The following TMEM117 variants were observed in gnomAD, a reference collection of about 807,000 sequenced individuals.
TMEM117 encodes transmembrane protein 117.
TMEM117 carries 27 observed loss-of-function variants against 52.4 expected under a neutral mutation model. The ratio of observed to expected loss-of-function variants is 0.51; its 90% CI spans 0.38 to 0.71. The LOEUF is 0.71. Among genes scored for constraint, TMEM117 ranks in the 30% least tolerant of loss-of-function variants. The pLI is 0.00. For missense variants in TMEM117, 556 were observed against 630.5 expected, an observed-to-expected ratio of 0.88 and a Z score of 1.26; for synonymous variants, 215 against 206.3, an observed-to-expected ratio of 1.04 and a Z score of -0.36.
chr12:43,938,038 CTCTG>C (rs943091084), intron 2 of TMEM117, among the ~76,000 whole-genome samples: 8 of 151,714 alleles, frequency 5.3e-5, no homozygotes, highest in East Asian at 1.9e-4. Context: ...TAAAAGAATT[CTCTG>C]TCTGGCTCCC....
chr12:44,309,763 G>A (rs1950949964), intron 6 of TMEM117, among the ~76,000 whole-genome samples: 3 of 143,484 alleles, frequency 2.1e-5, no homozygotes, highest in Admixed American at 1.4e-4. Context: ...TCTGGATTCA[G>A]CAGAATGAGA....
chr12:44,267,091 A>G (rs562999649), intron 5 of TMEM117, among the ~76,000 whole-genome samples: 1 of 152,256 alleles, frequency 6.6e-6, no homozygotes, highest in African/African-American at 2.4e-5. Context: ...TTGAATATGT[A>G]TATCAATCTG....
At chr12:44,354,924 T>G (rs894629735) in intron 6 of TMEM117, among the ~76,000 whole-genome samples, 4 of 152,070 alleles carry the variant, frequency 2.6e-5, no homozygotes, top group Non-Finnish European at 5.9e-5. Context: ...TCTTCTAAAT[T>G]CTTTTGAAAA....
intron 6 of TMEM117, among the ~76,000 whole-genome samples, chr12:44,312,978 A>C (rs560228540): frequency 6.6e-6 from 1 of 152,240 alleles, no homozygotes; most frequent in East Asian, 1.9e-4. Flanking sequence ...TTGCTTGTTA[A>C]GTTGTTTAAG....
chr12:44,001,067 C>T (rs753203673), intron 3 of TMEM117, among the ~76,000 whole-genome samples: 43 of 152,132 alleles, frequency 2.8e-4, no homozygotes, highest in African/African-American at 4.8e-4. Flanking sequence ...TTCGACTCCT[C>T]GAAGGCTTCT....
At chr12:44,290,973 A>C (rs1020007433) in intron 5 of TMEM117, among the ~76,000 whole-genome samples, 3 of 152,110 alleles carry the variant, frequency 2.0e-5, no homozygotes, top group Non-Finnish European at 4.4e-5. Context: ...TTGGCTATTC[A>C]ACATCTTCTA....
chr12:44,287,466 A>C (rs994708619), intron 5 of TMEM117, among the ~76,000 whole-genome samples: 1 of 152,204 alleles, frequency 6.6e-6, no homozygotes, highest in Non-Finnish European at 1.5e-5. Context: ...GGTTAAATAA[A>C]AACCCAAGGA....
chr12:43,888,068 C>T (rs1565735809), intron 2 of TMEM117, among the ~76,000 whole-genome samples: 1 of 152,112 alleles, frequency 6.6e-6, no homozygotes, highest in Non-Finnish European at 1.5e-5. Context: ...TAGTATAATA[C>T]AAAAGTCTAG....
intron 2 of TMEM117, among the ~76,000 whole-genome samples, chr12:43,920,444 C>T (rs1046891150): frequency 5.4e-5 from 8 of 148,092 alleles, no homozygotes; most frequent in African/African-American, 1.2e-4. Flanking sequence ...ACCCGGGAGG[C>T]GGAGGTTGCA....
rs1952131953 is a variant in TMEM117, at chr12:44,388,748, A to G, written c.*76A>G. On this transcript the variant is annotated 3_prime_UTR_variant, in exon 8 of 8. Coordinates refer to ENST00000266534, the MANE Select transcript of TMEM117 (RefSeq NM_032256.3). ...TTAAAAATTTAGTCTTTCCTTTTGT[A>G]TATGTAAGGTTTACGTAGTGTTAGG... 2 of 1,511,046 alleles carry G rather than the reference A, an allele frequency of 1.3e-6. No homozygotes were observed. Among genetic ancestry groups the G allele is most frequent in the Non-Finnish European group, 1.8e-6 (2 of 1,116,014 alleles). 93.6% of individuals were successfully genotyped at this position (1,511,046 alleles called of 1,614,324 possible). A position where few individuals can be genotyped will look rare whatever the true frequency, so the allele number is the denominator to read the frequency against.
At chr12:44,311,463 G>A (rs764506205) in intron 6 of TMEM117, among the ~76,000 whole-genome samples, 20 of 151,844 alleles carry the variant, frequency 1.3e-4, no homozygotes, top group Non-Finnish European at 2.6e-4. Context: ...AAGATCTTTT[G>A]TTTTAATGAA....
At chr12:43,801,076 A>T in the TMEM117 span, among the ~76,000 whole-genome samples, 1 of 152,168 alleles carries the variant, frequency 6.6e-6, no homozygotes, top group South Asian at 2.1e-4. Flanking sequence ...AAAAAAATAT[A>T]AATTGTTTAA....
chr12:44,120,682 C>CAGCT (rs1948219238), intron 3 of TMEM117, among the ~76,000 whole-genome samples: 2 of 152,296 alleles, frequency 1.3e-5, no homozygotes, highest in South Asian at 4.1e-4. Flanking sequence ...GTTGGCTGAG[C>CAGCT]AGCTCTAGCT....
intron 3 of TMEM117, among the ~76,000 whole-genome samples, chr12:44,019,016 T>C (rs1474062140): frequency 6.6e-6 from 1 of 152,186 alleles, no homozygotes; most frequent in Non-Finnish European, 1.5e-5. Flanking sequence ...AACTCTACTC[T>C]TGTAGCTGCA....
chr12:43,797,838 G>GT, the TMEM117 span: 9 of 1,608,726 alleles, frequency 5.6e-6, no homozygotes, highest in South Asian at 8.9e-5. Flanking sequence ...CTGTACCTAA[G>GT]TATGACAGAT....
In TMEM117 at chr12:43,951,758, C is replaced by T. The variant is rs544375633; in HGVS notation, c.410+7416C>T. 9.9e-5 allele frequency among the ~76,000 whole-genome samples: 15 copies of T among 151,344 alleles called. No homozygotes were observed. The East Asian group carries it at 1.2e-3, about 12-fold the overall frequency. ...ATGAGGGCTCTGATCCTGATGAGGG[C>T]GATTCCCTGAGCACAGCACACCAGC... On this transcript the variant is annotated intron_variant, in intron 3 of 7. Coordinates refer to ENST00000266534, the MANE Select transcript of TMEM117 (RefSeq NM_032256.3).
chr12:44,288,764 G>A (rs1950666141), intron 5 of TMEM117, among the ~76,000 whole-genome samples: 1 of 152,018 alleles, frequency 6.6e-6, no homozygotes, highest in Admixed American at 6.5e-5. Flanking sequence ...TATGTTTAAA[G>A]TGCACAACAT....
chr12:43,948,015 C>A (rs577282747), intron 3 of TMEM117, among the ~76,000 whole-genome samples: 1 of 152,032 alleles, frequency 6.6e-6, no homozygotes, highest in African/African-American at 2.4e-5. Context: ...TTATCTAGAC[C>A]GGAACCTCAA....
chr12:44,255,972 A>G (rs528048821), intron 5 of TMEM117, among the ~76,000 whole-genome samples: 1 of 152,162 alleles, frequency 6.6e-6, no homozygotes, highest in East Asian at 1.9e-4. Context: ...AACCTGACTC[A>G]GAAAGCCAAT....
Sources: allele counts gnomAD v4.1 joint callset (sites outside exome capture counted in the v4.1 genomes callset), GRCh38; gene constraint gnomAD v4.1.1; transcripts MANE v1.5; gene names NCBI Gene and HGNC (gene_info 2026-07-23, HGNC 2026-07-21).